LHFPL6: variants seen among roughly 807,000 people sequenced by gnomAD.
The protein encoded by LHFPL6 is LHFPL tetraspan subfamily member 6 protein.
A neutral mutation model predicts 20.6 loss-of-function variants in LHFPL6; 9 were observed. The ratio of observed to expected loss-of-function variants is 0.44; its 90% CI spans 0.26 to 0.76. The LOEUF (loss-of-function observed/expected upper bound fraction) is 0.76. LHFPL6 is among the 30% of genes least tolerant of loss of function. The pLI, the probability that LHFPL6 is intolerant of heterozygous loss-of-function variation, is 0.20. For missense variants in LHFPL6, 218 were observed against 253.5 expected (o/e 0.86, Z 0.95); for synonymous variants, 105 against 98.7 (o/e 1.06, Z -0.38).
At chr13:39,458,626 G>A (rs1404279877) in intron 2 of LHFPL6, among the ~76,000 whole-genome samples, 3 of 151,730 alleles carry the variant, frequency 2.0e-5, no homozygotes, top group African/African-American at 4.8e-5. Flanking sequence ...CTGAGGCCAT[G>A]AGAGGCTGCA....
intron 2 of LHFPL6, among the ~76,000 whole-genome samples, chr13:39,546,480 A>G (rs1870985722): frequency 6.6e-6 from 1 of 152,160 alleles, no homozygotes. Context: ...TGGTATCTGC[A>G]TCACTTGAGA....
chr13:39,426,685 A>T (rs1026825538), intron 2 of LHFPL6, among the ~76,000 whole-genome samples: 2 of 152,192 alleles, frequency 1.3e-5, no homozygotes, highest in African/African-American at 4.8e-5. Flanking sequence ...TTATGGCTGA[A>T]TAATATTCTA....
At chr13:39,368,357 G>A (rs1214945188) in intron 3 of LHFPL6, among the ~76,000 whole-genome samples, 1 of 151,948 alleles carries the variant, frequency 6.6e-6, no homozygotes, top group Non-Finnish European at 1.5e-5. Context: ...GCTGAGGCGG[G>A]CAGATAACGA....
chr13:39,416,567 G>A (rs1871354780), intron 2 of LHFPL6, among the ~76,000 whole-genome samples: 2 of 152,062 alleles, frequency 1.3e-5, no homozygotes, highest in Admixed American at 6.5e-5. Flanking sequence ...CTGAATATTT[G>A]GGCAATAAAG....
rs775779929 is a variant in LHFPL6, at chr13:39,347,924, C to T, written c.485-3870G>A. ...ATTGACCTATACATAGTTCTATGAC[C>T]TAACATGAAAAGTAGAGTATATAAT... On this transcript the variant is annotated intron_variant, in intron 3 of 3. Coordinates refer to ENST00000379589, the MANE Select transcript of LHFPL6 (RefSeq NM_005780.3). 1.0e-3 allele frequency among the ~76,000 whole-genome samples: 152 copies of T among 152,176 alleles called. 1 individual carries two copies. The highest frequency in any genetic ancestry group is 5.9e-4 in the Non-Finnish European group (40 of 68,004).
intron 2 of LHFPL6, among the ~76,000 whole-genome samples, chr13:39,559,373 C>T (rs1871402187): frequency 6.6e-6 from 1 of 152,194 alleles, no homozygotes; most frequent in Admixed American, 6.5e-5. Flanking sequence ...GAACAGGAAG[C>T]ATGATGCGGA....
At position 39,600,923 on chromosome 13, in the gene LHFPL6, C is replaced by CAGG; in HGVS notation, c.291_293dup (p.Leu98dup). 6.3e-7 allele frequency: 1 copy of CAGG among 1,597,072 alleles called. No individual in the cohort carries two copies. The highest frequency in any genetic ancestry group is 8.6e-7 in the Non-Finnish European group (1 of 1,169,422). ...AACCCATGAGGGCAGTGAGCGCCAC[C>CAGG]AGGAGGAGGAGGCCACAACCCAGGC... On this transcript the variant is annotated inframe_insertion, in exon 2 of 4. Transcript: ENST00000379589.
chr13:39,479,914 C>G (rs1032544800), intron 2 of LHFPL6, among the ~76,000 whole-genome samples: 5 of 152,194 alleles, frequency 3.3e-5, no homozygotes, highest in Admixed American at 2.6e-4. Flanking sequence ...TACCCCCGAA[C>G]AGCCAAGAAA....
chr13:39,427,420 T>C (rs1173541497), intron 2 of LHFPL6, among the ~76,000 whole-genome samples: 1 of 152,244 alleles, frequency 6.6e-6, no homozygotes, highest in East Asian at 1.9e-4. Context: ...TTTTCATATG[T>C]GTCCTTTATT....
chr13:39,559,013 G>C (rs976056104), intron 2 of LHFPL6, among the ~76,000 whole-genome samples: 1 of 152,162 alleles, frequency 6.6e-6, no homozygotes. Context: ...AGGGGCTAGA[G>C]CCTCCCCGAT....
chr13:39,522,367 CCA>C (rs1486541511), intron 2 of LHFPL6, among the ~76,000 whole-genome samples: 2 of 152,206 alleles, frequency 1.3e-5, no homozygotes, highest in Admixed American at 6.5e-5. Context: ...TAGTCTGGCT[CCA>C]GAGTCCATGC....
intron 2 of LHFPL6, among the ~76,000 whole-genome samples, chr13:39,407,873 A>T (rs543801012): frequency 7.4e-4 from 112 of 152,342 alleles, no homozygotes; most frequent in African/African-American, 2.6e-3. Flanking sequence ...ACAATTTTAG[A>T]GTCAGATAAA....
At chr13:39,460,662 T>C (rs1761993831) in intron 2 of LHFPL6, among the ~76,000 whole-genome samples, 4 of 152,230 alleles carry the variant, frequency 2.6e-5, no homozygotes. Flanking sequence ...TGCTCCTTAA[T>C]GACTTGAACT....
intron 3 of LHFPL6, among the ~76,000 whole-genome samples, chr13:39,370,316 C>T (rs540928506): frequency 6.6e-6 from 1 of 152,098 alleles, no homozygotes; most frequent in South Asian, 2.1e-4. Flanking sequence ...GCTTGGCTTT[C>T]CTGTGATTCT....
At chr13:39,384,205 A>G (rs1428642826) in intron 2 of LHFPL6, among the ~76,000 whole-genome samples, 1 of 152,210 alleles carries the variant, frequency 6.6e-6, no homozygotes, top group Non-Finnish European at 1.5e-5. Context: ...TCGAAGCACA[A>G]TTTATGCTAA....
intron 2 of LHFPL6, among the ~76,000 whole-genome samples, chr13:39,416,364 TAA>T (rs36120111): frequency 2.7e-5 from 4 of 147,438 alleles, no homozygotes; most frequent in East Asian, 2.0e-4. Context: ...CTTAATATGT[TAA>T]AAAAAAAAAA....
At chr13:39,366,684 T>G (rs1164491032) in intron 3 of LHFPL6, among the ~76,000 whole-genome samples, 1 of 152,224 alleles carries the variant, frequency 6.6e-6, no homozygotes, top group Non-Finnish European at 1.5e-5. Flanking sequence ...AGGACTGTAT[T>G]ACTCACAGCA....
At chr13:39,492,991 C>T (rs1199090803) in intron 2 of LHFPL6, among the ~76,000 whole-genome samples, 2 of 151,550 alleles carry the variant, frequency 1.3e-5, no homozygotes, top group African/African-American at 4.8e-5. Flanking sequence ...CAATATTCTT[C>T]TAAAACAATT....
At chr13:39,366,144 TATTG>T (rs1401474452) in intron 3 of LHFPL6, among the ~76,000 whole-genome samples, 6 of 152,178 alleles carry the variant, frequency 3.9e-5, no homozygotes, top group African/African-American at 1.4e-4. Context: ...GCCTATGACA[TATTG>T]ATTATTAAAT....
Sources: gnomAD v4.1 joint callset for allele counts (sites outside exome capture counted in the v4.1 genomes callset) on GRCh38, gnomAD v4.1.1 for gene constraint, MANE v1.5 for transcripts, NCBI Gene and HGNC (gene_info 2026-07-23, HGNC 2026-07-21) for gene names.